The following TRPC5 variants were observed in gnomAD, a reference collection of about 807,000 sequenced individuals.
The protein encoded by TRPC5 is transient receptor potential cation channel subfamily C member 5.
In TRPC5, 9 loss-of-function variants were observed where a neutral mutation model predicts 56.5. The observed-to-expected ratio is 0.16, with a 90% CI of 0.10 to 0.28. TRPC5 has a LOEUF of 0.28. TRPC5 is among the 10% of genes least tolerant of loss of function. The probability of loss-of-function intolerance (pLI) is 1.00; values close to 1 mark genes in which losing one functional copy is unlikely to be tolerated. For synonymous variants in TRPC5, 282 were observed against 278.5 expected (o/e 1.01, Z -0.13); for missense variants, 469 against 748.9 (o/e 0.63, Z 4.36).
chrX:111,954,823 G>A (rs1026535044), intron 1 of TRPC5, among the ~76,000 whole-genome samples: 1 of 111,729 alleles, frequency 9.0e-6, no homozygotes, highest in Non-Finnish European at 1.9e-5. Flanking sequence ...GGAAAGGTGA[G>A]AATGAAGGAA....
At chrX:111,966,131 A>T (rs1164504803) in intron 1 of TRPC5, among the ~76,000 whole-genome samples, 1 of 111,859 alleles carries the variant, frequency 8.9e-6, no homozygotes, top group Non-Finnish European at 1.9e-5. Flanking sequence ...ATGCAATAAA[A>T]AATGATAAAG....
chrX:111,789,253 T>C (rs1358829020), intron 7 of TRPC5, among the ~76,000 whole-genome samples: 1 of 111,059 alleles, frequency 9.0e-6, no homozygotes, highest in Non-Finnish European at 1.9e-5. Context: ...GCCTCAGAAA[T>C]AACACCACAC....
intron 1 of TRPC5, among the ~76,000 whole-genome samples, chrX:112,045,900 T>C (rs1930005840): frequency 9.0e-6 from 1 of 111,679 alleles, no homozygotes; most frequent in Admixed American, 9.5e-5. Flanking sequence ...TTCTAACTGC[T>C]TTAATTTCTA....
intron 1 of TRPC5, among the ~76,000 whole-genome samples, chrX:111,966,876 C>A (rs1240401051): frequency 9.0e-6 from 1 of 111,066 alleles, no homozygotes; most frequent in Admixed American, 9.6e-5. Context: ...CAATATCATA[C>A]TGAATGGGCA....
chrX:111,814,165 G>A (rs3027748), intron 7 of TRPC5, among the ~76,000 whole-genome samples: 11,285 of 111,166 alleles, frequency 0.1, 1,333 homozygotes, highest in African/African-American at 0.34. Flanking sequence ...ATATACAGGA[G>A]TCTTCAAAAT....
At chrX:111,965,699 C>T (rs1327075428) in intron 1 of TRPC5, among the ~76,000 whole-genome samples, 1 of 111,957 alleles carries the variant, frequency 8.9e-6, no homozygotes, top group Non-Finnish European at 1.9e-5. Flanking sequence ...TACATGGAAA[C>T]TGAACAACCT....
intron 7 of TRPC5, among the ~76,000 whole-genome samples, chrX:111,805,242 A>AT (rs1357294670): frequency 8.9e-6 from 1 of 111,767 alleles, no homozygotes. Context: ...GTGCTGCTGG[A>AT]TTTGGTTTGC....
Position 112,082,430 on chromosome X carries a change from A to C in TRPC5, c.-573T>G, listed in dbSNP as rs1465988569. On this transcript the variant is annotated 5_prime_UTR_variant, in exon 1 of 11. Coordinates refer to ENST00000262839, the MANE Select transcript of TRPC5 (RefSeq NM_012471.3). ...AAAAAAGAGAGAGAGCCGCATTCACACTCTTACACGCACACTCAAGCTCCA... is the reference window on the plus strand; with the variant it reads ...AAAAAAGAGAGAGAGCCGCATTCACCCTCTTACACGCACACTCAAGCTCCA... 2 of 110,125 alleles carry C rather than the reference A, an allele frequency of 1.8e-5. No homozygotes were observed. Among genetic ancestry groups the C allele is most frequent in the Non-Finnish European group, 3.8e-5 (2 of 52,655 alleles). 9.1% of individuals were successfully genotyped at this position (110,125 alleles called of 1,213,427 possible).
intron 3 of TRPC5, among the ~76,000 whole-genome samples, chrX:111,876,492 G>A (rs1483767416): frequency 1.8e-5 from 2 of 111,556 alleles, no homozygotes; most frequent in Non-Finnish European, 3.8e-5. Flanking sequence ...TATAAACATC[G>A]TTTATGTAAA....
intron 3 of TRPC5, among the ~76,000 whole-genome samples, chrX:111,873,749 G>A (rs776664004): frequency 1.4e-4 from 15 of 110,358 alleles, no homozygotes; most frequent in South Asian, 3.9e-4. Flanking sequence ...GCACCATTGC[G>A]CTGCAGCCTG....
intron 2 of TRPC5, among the ~76,000 whole-genome samples, chrX:111,933,313 CAG>C (rs1296473112): frequency 9.0e-6 from 1 of 111,290 alleles, no homozygotes; most frequent in Non-Finnish European, 1.9e-5. Context: ...AAAACAATAA[CAG>C]AGTAAATATT....
intron 9 of TRPC5, 51 bp from the exon 10 acceptor site, chrX:111,779,125 G>C: frequency 1.1e-6 from 1 of 913,401 alleles, no homozygotes; most frequent in Non-Finnish European, 1.5e-6. Context: ...CAGGCTCTCA[G>C]TACAGTAAGA....
chrX:111,951,573 T>A (rs751249395), intron 2 of TRPC5, among the ~76,000 whole-genome samples: 1 of 111,695 alleles, frequency 9.0e-6, no homozygotes, highest in Admixed American at 9.5e-5. Context: ...GGAAAATATA[T>A]GAGGCCTTAT....
chrX:111,917,059 GC>G (rs1925999162), intron 2 of TRPC5, among the ~76,000 whole-genome samples: 1 of 112,789 alleles, frequency 8.9e-6, no homozygotes, highest in Non-Finnish European at 1.9e-5. Context: ...GATTAGCTTG[GC>G]CACAGTGTGG....
At chrX:112,051,708 G>T (rs1424491049) in intron 1 of TRPC5, among the ~76,000 whole-genome samples, 2 of 112,005 alleles carry the variant, frequency 1.8e-5, no homozygotes, top group Non-Finnish European at 3.8e-5. Flanking sequence ...CATTTCACAT[G>T]GTTGTGCAAT....
intron 1 of TRPC5, among the ~76,000 whole-genome samples, chrX:112,007,791 C>T (rs1928882002): frequency 8.9e-6 from 1 of 111,811 alleles, no homozygotes; most frequent in Admixed American, 9.5e-5. Flanking sequence ...AAGGGACTGA[C>T]TGGACCCAGA....
At chrX:111,801,197 G>C (rs1424264704) in intron 7 of TRPC5, among the ~76,000 whole-genome samples, 1 of 111,827 alleles carries the variant, frequency 8.9e-6, no homozygotes, top group African/African-American at 3.2e-5. Flanking sequence ...ATGATTTCAA[G>C]GTTCACCAAT....
At chrX:111,978,915 C>T (rs979931364) in intron 1 of TRPC5, among the ~76,000 whole-genome samples, 2 of 110,728 alleles carry the variant, frequency 1.8e-5, no homozygotes, top group African/African-American at 6.5e-5. Context: ...AAAAAAGACC[C>T]GCAGCTAACA....
At chrX:111,777,028 T>C (rs372391707) in intron 10 of TRPC5, 26 bp from the exon 11 acceptor site, 12 of 1,083,347 alleles carry the variant, frequency 1.1e-5, no homozygotes, top group Non-Finnish European at 1.5e-5. Flanking sequence ...AGACATATTA[T>C]GTCAAGAAGC....
Sources: gnomAD v4.1 joint callset for allele counts (sites outside exome capture counted in the v4.1 genomes callset) on GRCh38, gnomAD v4.1.1 for gene constraint, MANE v1.5 for transcripts, NCBI Gene and HGNC (gene_info 2026-07-23, HGNC 2026-07-21) for gene names.